Variants in TDRD3 observed in about 807,000 individuals in gnomAD.
TDRD3 encodes the protein tudor domain-containing protein 3.
In TDRD3, 45 loss-of-function variants were observed where a neutral mutation model predicts 86.7. That is an observed-to-expected ratio of 0.52 (90% confidence interval 0.41 to 0.67). The LOEUF (loss-of-function observed/expected upper bound fraction) is 0.67, where lower values mean the gene tolerates loss of function less well. TDRD3 is among the 30% of genes least tolerant of loss of function. The pLI is 0.00. For missense variants in TDRD3, 814 were observed against 889.0 expected, an observed-to-expected ratio of 0.92 and a Z score of 1.07; for synonymous variants, 298 against 301.7, an observed-to-expected ratio of 0.99 and a Z score of 0.13.
intron 12 of TDRD3, among the ~76,000 whole-genome samples, chr13:60,546,204 C>G (rs546871898): frequency 5.3e-5 from 8 of 151,972 alleles, no homozygotes; most frequent in Non-Finnish European, 8.8e-5. Flanking sequence ...AATGGAAAGA[C>G]TTTTAGAGAC....
At chr13:60,563,206 T>G (rs1958376142) in intron 12 of TDRD3, among the ~76,000 whole-genome samples, 1 of 143,586 alleles carries the variant, frequency 7.0e-6, no homozygotes. Flanking sequence ...CCAGCCTGGG[T>G]GACAGAGCAA....
At position 60,451,442 on chromosome 13, in the gene TDRD3, C is replaced by T. The variant is rs145735216; in HGVS notation, c.192+6694C>T. Among the ~76,000 whole-genome samples, 52 of 152,190 alleles carry T rather than the reference C, an allele frequency of 3.4e-4. No individual in the cohort carries two copies. The East Asian group carries it at 7.3e-3, about 21-fold the overall frequency. On this transcript the variant is annotated intron_variant, in intron 3 of 13. Coordinates refer to ENST00000377881, the MANE Select transcript of TDRD3 (RefSeq NM_001146070.2). ...GTGCTGGATCCAGCTTGTTCCAGCT[C>T]GTGAAGTTCATTGTCGGCATCTTTT...
chr13:60,531,268 G>T (rs919123472), intron 11 of TDRD3, among the ~76,000 whole-genome samples: 1 of 152,184 alleles, frequency 6.6e-6, no homozygotes, highest in Non-Finnish European at 1.5e-5. Context: ...TCACTATCCA[G>T]ATTCTTATTC....
intron 8 of TDRD3, 146 bp downstream of exon 8, chr13:60,494,721 A>T: frequency 1.5e-6 from 1 of 652,234 alleles, no homozygotes; most frequent in Non-Finnish European, 2.3e-6. Context: ...GATTACAATT[A>T]AATCATTAAA....
At chr13:60,496,582 G>A (rs2137575178) in intron 8 of TDRD3, among the ~76,000 whole-genome samples, 1 of 151,984 alleles carries the variant, frequency 6.6e-6, no homozygotes, top group African/African-American at 2.4e-5. Flanking sequence ...TGCATTTACT[G>A]TTTTTGATTC....
At chr13:60,409,592 A>G (rs1369205642) in intron 1 of TDRD3, among the ~76,000 whole-genome samples, 12 of 152,188 alleles carry the variant, frequency 7.9e-5, no homozygotes, top group Admixed American at 7.9e-4. Context: ...TGACTGTCCC[A>G]CTAGATTTCA....
At chr13:60,555,069 G>T (rs1343431074) in intron 12 of TDRD3, among the ~76,000 whole-genome samples, 4 of 151,978 alleles carry the variant, frequency 2.6e-5, no homozygotes, top group Non-Finnish European at 4.4e-5. Context: ...GAAAATCTTG[G>T]GGATACTTTT....
chr13:60,538,632 A>G (rs1957747119), intron 12 of TDRD3, among the ~76,000 whole-genome samples: 1 of 152,100 alleles, frequency 6.6e-6, no homozygotes, highest in Non-Finnish European at 1.5e-5. Flanking sequence ...ATTATTTTCT[A>G]TTTCCTACCA....
chr13:60,569,211 T>C (rs2138005285), intron 13 of TDRD3, among the ~76,000 whole-genome samples: 1 of 152,244 alleles, frequency 6.6e-6, no homozygotes, highest in East Asian at 1.9e-4. Flanking sequence ...TCAAGCAATC[T>C]GCCTGCCTCA....
At chr13:60,415,559 C>T (rs924541180) in intron 1 of TDRD3, among the ~76,000 whole-genome samples, 1 of 151,974 alleles carries the variant, frequency 6.6e-6, no homozygotes, top group Non-Finnish European at 1.5e-5. Flanking sequence ...ACTAAACAGA[C>T]CAATGCAATC....
At chr13:60,551,732 T>G (rs2137902901) in intron 12 of TDRD3, among the ~76,000 whole-genome samples, 1 of 152,126 alleles carries the variant, frequency 6.6e-6, no homozygotes, top group African/African-American at 2.4e-5. Context: ...TAAGAAGAGG[T>G]TTAATTGACT....
chr13:60,417,933 T>C (rs1273119861), intron 1 of TDRD3, among the ~76,000 whole-genome samples: 1 of 152,186 alleles, frequency 6.6e-6, no homozygotes, highest in African/African-American at 2.4e-5. Flanking sequence ...AATTTTACCT[T>C]CTAAATATTT....
At chr13:60,468,398 C>A (rs1196771560) in intron 5 of TDRD3, among the ~76,000 whole-genome samples, 1 of 152,176 alleles carries the variant, frequency 6.6e-6, no homozygotes, top group Non-Finnish European at 1.5e-5. Flanking sequence ...ATTGCTTCTT[C>A]TCAAGGTGAA....
At chr13:60,490,876 G>C (rs989225737) in intron 7 of TDRD3, among the ~76,000 whole-genome samples, 7 of 152,112 alleles carry the variant, frequency 4.6e-5, no homozygotes, top group Non-Finnish European at 1.0e-4. Flanking sequence ...CCAGCACTTT[G>C]GGAGGCTGAG....
At chr13:60,396,770 A>G, upstream of TDRD3, 1 of 152,414 alleles carries the variant, frequency 6.6e-6, no homozygotes, top group Non-Finnish European at 1.5e-5. Flanking sequence ...GCGGACCAAA[A>G]GGCGAGGTGA....
chr13:60,404,192 T>C (rs1954173571), intron 1 of TDRD3, among the ~76,000 whole-genome samples: 1 of 152,174 alleles, frequency 6.6e-6, no homozygotes, highest in South Asian at 2.1e-4. Context: ...CAAGGCACTG[T>C]ATATGTTTTC....
At chr13:60,442,889 T>C (rs1355609866) in intron 2 of TDRD3, among the ~76,000 whole-genome samples, 1 of 152,030 alleles carries the variant, frequency 6.6e-6, no homozygotes, top group Non-Finnish European at 1.5e-5. Flanking sequence ...TGTCTAGTGC[T>C]CATTTACTTT....
At chr13:60,524,711 G>GAATCCAAGAATGATTGGA (rs958582904) in intron 10 of TDRD3, among the ~76,000 whole-genome samples, 2 of 152,016 alleles carry the variant, frequency 1.3e-5, no homozygotes, top group African/African-American at 4.8e-5. Flanking sequence ...ATTGGATGAT[G>GAATCCAAGAATGATTGGA]AATCCAAGAA....
chr13:60,481,293 G>A (rs940776802), intron 5 of TDRD3, among the ~76,000 whole-genome samples: 1 of 151,026 alleles, frequency 6.6e-6, no homozygotes, highest in East Asian at 1.9e-4. Flanking sequence ...ATCACATCTA[G>A]AAAATGTGAT....
Sources: gnomAD v4.1 joint callset for allele counts (sites outside exome capture counted in the v4.1 genomes callset) on GRCh38, gnomAD v4.1.1 for gene constraint, MANE v1.5 for transcripts, NCBI Gene and HGNC (gene_info 2026-07-23, HGNC 2026-07-21) for gene names.